CNTN5: variants seen among roughly 807,000 people sequenced by gnomAD.
CNTN5 encodes the protein contactin-5.
A neutral mutation model predicts 129.1 loss-of-function variants in CNTN5; 77 were observed. That is an observed-to-expected ratio of 0.60 (90% CI 0.50 to 0.72). CNTN5 has a LOEUF of 0.72. CNTN5 is among the 30% of genes least tolerant of loss of function. The pLI, the probability that CNTN5 is intolerant of heterozygous loss-of-function variation, is 0.00. For synonymous variants in CNTN5, 509 were observed against 465.6 expected, an observed-to-expected ratio of 1.09 and a Z score of -1.20; for missense variants, 1,478 against 1,328.8, an observed-to-expected ratio of 1.11 and a Z score of -1.75.
At chr11:100,195,288 A>G (rs1249524626) in intron 15 of CNTN5, among the ~76,000 whole-genome samples, 3 of 152,022 alleles carry the variant, frequency 2.0e-5, no homozygotes, top group Non-Finnish European at 4.4e-5. Context: ...CCCTCTTCTT[A>G]TAAGTAATCC....
At chr11:100,340,378 C>T in intron 21 of CNTN5, 85 bp from the exon 22 acceptor site, 1 of 965,146 alleles carries the variant, frequency 1.0e-6, no homozygotes, top group Non-Finnish European at 1.5e-6. Flanking sequence ...ACTCCAGCAA[C>T]ATCCAAAAAA....
chr11:99,811,268 G>C (rs989552270), intron 3 of CNTN5, among the ~76,000 whole-genome samples: 4 of 151,734 alleles, frequency 2.6e-5, no homozygotes, highest in African/African-American at 9.7e-5. Context: ...CTCATATTTA[G>C]GGACGGAAAT....
chr11:99,586,147 A>G (rs1395501317), intron 3 of CNTN5, among the ~76,000 whole-genome samples: 2 of 152,038 alleles, frequency 1.3e-5, no homozygotes, highest in Non-Finnish European at 2.9e-5. Flanking sequence ...CTGTGCAATC[A>G]GTTTTTATTT....
At chr11:99,884,689 T>G (rs1948853762) in intron 6 of CNTN5, among the ~76,000 whole-genome samples, 1 of 152,118 alleles carries the variant, frequency 6.6e-6, no homozygotes, top group African/African-American at 2.4e-5. Context: ...TTAAAAACAG[T>G]AAGAAGGCTG....
intron 2 of CNTN5, among the ~76,000 whole-genome samples, chr11:99,551,600 T>C (rs1427835038): frequency 6.6e-6 from 1 of 152,190 alleles, no homozygotes; most frequent in Non-Finnish European, 1.5e-5. Context: ...AATATCTTCT[T>C]AGGTGATATA....
chr11:99,810,565 C>T (rs1204311671), intron 3 of CNTN5, among the ~76,000 whole-genome samples: 3 of 152,120 alleles, frequency 2.0e-5, no homozygotes, highest in African/African-American at 7.2e-5. Flanking sequence ...ACATAGAGTA[C>T]ATCTGATTTG....
chr11:99,675,473 G>A (rs71474534), intron 3 of CNTN5, among the ~76,000 whole-genome samples: 9,940 of 152,098 alleles, frequency 0.065, 494 homozygotes, highest in East Asian at 0.28. Context: ...GCCTGAGCTC[G>A]GCAGTTCGAG....
At chr11:100,297,468 T>C (rs1951121044) in intron 18 of CNTN5, among the ~76,000 whole-genome samples, 157 bp from the exon 19 acceptor site, 2 of 151,576 alleles carry the variant, frequency 1.3e-5, no homozygotes, top group South Asian at 2.1e-4. Context: ...ATCTGCCACA[T>C]AGATTTGAAA....
chr11:99,284,649 GTGTGTGTGTGT>G (rs1863853703), intron 1 of CNTN5, among the ~76,000 whole-genome samples: 1 of 110,724 alleles, frequency 9.0e-6, no homozygotes, highest in Admixed American at 8.9e-5. Flanking sequence ...GTGTGTGTGT[GTGTGTGTGTGT>G]GGTGTGTGTA....
intron 3 of CNTN5, among the ~76,000 whole-genome samples, chr11:99,755,372 A>G (rs533008354): frequency 1.3e-5 from 2 of 152,304 alleles, no homozygotes; most frequent in East Asian, 3.9e-4. Flanking sequence ...GTTGCTTCAC[A>G]TTCTCAACAG....
intron 1 of CNTN5, among the ~76,000 whole-genome samples, chr11:99,108,120 G>C (rs1004548614): frequency 3.9e-5 from 6 of 152,130 alleles, no homozygotes; most frequent in African/African-American, 1.4e-4. Context: ...ATGGTTGATT[G>C]TAGATTACTT....
chr11:99,811,561 C>G (rs1340932634), intron 3 of CNTN5, among the ~76,000 whole-genome samples: 7 of 150,620 alleles, frequency 4.6e-5, no homozygotes, highest in African/African-American at 7.3e-5. Flanking sequence ...CTAAAATGAC[C>G]TTTTATTTAA....
chr11:100,318,708 A>T (rs534897029), intron 21 of CNTN5, among the ~76,000 whole-genome samples: 1 of 152,210 alleles, frequency 6.6e-6, no homozygotes, highest in Non-Finnish European at 1.5e-5. Context: ...GCACCTGACA[A>T]TGTACTTGTG....
intron 2 of CNTN5, among the ~76,000 whole-genome samples, chr11:99,353,539 TC>T (rs1938441468): frequency 6.6e-6 from 1 of 152,194 alleles, no homozygotes. Flanking sequence ...GTGCAAACAA[TC>T]CAGTTGCTAC....
At chr11:100,014,087 A>C (rs1404246244) in intron 9 of CNTN5, among the ~76,000 whole-genome samples, 1 of 152,196 alleles carries the variant, frequency 6.6e-6, no homozygotes. Context: ...ATTTCATGGT[A>C]ACTTGGAAAT....
chr11:100,317,969 C>T (rs970601415), intron 21 of CNTN5, among the ~76,000 whole-genome samples: 1 of 151,840 alleles, frequency 6.6e-6, no homozygotes, highest in African/African-American at 2.4e-5. Flanking sequence ...CGGCTGGGCG[C>T]GATGGCTGAA....
intron 2 of CNTN5, among the ~76,000 whole-genome samples, chr11:99,333,590 A>T (rs1866092572): frequency 6.6e-6 from 1 of 152,082 alleles, no homozygotes; most frequent in South Asian, 2.1e-4. Context: ...ATGTATTAAT[A>T]ATGTATTTGA....
chr11:99,073,709 T>A (rs992770790), intron 1 of CNTN5, among the ~76,000 whole-genome samples: 3 of 152,126 alleles, frequency 2.0e-5, no homozygotes, highest in Non-Finnish European at 4.4e-5. Context: ...TTCTTCCATG[T>A]CTCTGTGAAG....
chr11:99,185,841 A>T (rs1858323113), intron 1 of CNTN5, among the ~76,000 whole-genome samples: 1 of 106,346 alleles, frequency 9.4e-6, no homozygotes, highest in African/African-American at 3.2e-5. Flanking sequence ...AGGAAATAAA[A>T]TAAAGAGAAA....
Sources: gnomAD v4.1 joint callset for allele counts (sites outside exome capture counted in the v4.1 genomes callset) on GRCh38, gnomAD v4.1.1 for gene constraint, MANE v1.5 for transcripts, NCBI Gene and HGNC (gene_info 2026-07-23, HGNC 2026-07-21) for gene names.